BMPR1B: variants seen among roughly 807,000 people sequenced by gnomAD.
BMPR1B encodes bone morphogenetic protein receptor type 1B, also known as bone morphogenetic protein receptor type-1B.
A neutral mutation model predicts 59.1 loss-of-function variants in BMPR1B; 12 were observed. The observed-to-expected ratio is 0.20, with a 90% CI of 0.13 to 0.33. The LOEUF is 0.33. BMPR1B is among the 10% of genes least tolerant of loss of function. BMPR1B has a pLI of 1.00. For synonymous variants in BMPR1B, 237 were observed against 207.3 expected (o/e 1.14, Z -1.23); for missense variants, 550 against 610.9 (o/e 0.90, Z 1.05).
chr4:95,089,059 C>A (rs956988692), intron 3 of BMPR1B, among the ~76,000 whole-genome samples: 1 of 151,914 alleles, frequency 6.6e-6, no homozygotes, highest in African/African-American at 2.4e-5. Context: ...GGTCCTTTGC[C>A]CCCATATTAG....
chr4:95,007,575 T>TATA (rs1722934376), intron 3 of BMPR1B, among the ~76,000 whole-genome samples: 1 of 152,226 alleles, frequency 6.6e-6, no homozygotes. Context: ...AGATATAATT[T>TATA]AAGGTTCTTA....
At chr4:95,030,309 G>A (rs909004023) in intron 3 of BMPR1B, among the ~76,000 whole-genome samples, 5 of 152,172 alleles carry the variant, frequency 3.3e-5, no homozygotes, top group African/African-American at 1.2e-4. Context: ...TGTAAGGAAG[G>A]GATCCAGTTT....
Position 95,125,334 on chromosome 4 carries a change from A to G in BMPR1B, c.585+213A>G, listed in dbSNP as rs112178471. Reference sequence around the variant, plus strand: ...TTTTTAATGTAGGTGTATGGTTACAATCCAGACCCTCAGACATTCTGATGA... The same window carrying G: ...TTTTTAATGTAGGTGTATGGTTACAGTCCAGACCCTCAGACATTCTGATGA... On this transcript the variant is annotated intron_variant, in intron 8 of 12. Coordinates refer to ENST00000515059, the MANE Select transcript of BMPR1B (RefSeq NM_001203.3). Among the ~76,000 whole-genome samples, 805 of 152,270 alleles carry G rather than the reference A, an allele frequency of 5.3e-3. 6 individuals carry two copies. Among genetic ancestry groups the G allele is most frequent in the African/African-American group, 0.018 (748 of 41,564 alleles).
At chr4:94,910,732 A>ACC (rs146021052) in intron 2 of BMPR1B, among the ~76,000 whole-genome samples, 10 of 151,742 alleles carry the variant, frequency 6.6e-5, no homozygotes, top group African/African-American at 2.4e-4. Context: ...ACATAGCGAG[A>ACC]CCCCCATCTC....
intron 11 of BMPR1B, among the ~76,000 whole-genome samples, chr4:95,151,039 A>G (rs1735001938): frequency 6.6e-6 from 1 of 152,226 alleles, no homozygotes; most frequent in Non-Finnish European, 1.5e-5. Flanking sequence ...TTATGAAGAT[A>G]TTAGAAGTTT....
chr4:94,803,588 C>T (rs181373513), intron 1 of BMPR1B, among the ~76,000 whole-genome samples: 24 of 152,074 alleles, frequency 1.6e-4, no homozygotes, highest in Non-Finnish European at 2.6e-4. Flanking sequence ...TCTCCTAGGT[C>T]GTCTTTATGT....
chr4:95,001,315 T>C (rs1411641142), intron 3 of BMPR1B, among the ~76,000 whole-genome samples: 1 of 151,910 alleles, frequency 6.6e-6, no homozygotes, highest in African/African-American at 2.4e-5. Context: ...TCTTGTCTTG[T>C]ATTAGACTCC....
Position 94,878,004 on chromosome 4 carries a change from A to G in BMPR1B, c.-113+2104A>G, listed in dbSNP as rs150569812. ...TTTACATTGGAATGATATCGCCTAT[A>G]TTGATGAATGGTCTTATAAAAAAAA... is the stretch of plus-strand genomic sequence containing the variant. On this transcript the variant is annotated intron_variant, in intron 2 of 12. Coordinates refer to ENST00000515059, the MANE Select transcript of BMPR1B (RefSeq NM_001203.3). Among the ~76,000 whole-genome samples the G allele has an allele frequency of 3.1e-3, 473 of 152,230 alleles. 3 individuals carry two copies. The highest frequency in any genetic ancestry group is 0.01 in the Middle Eastern group (3 of 294).
intron 1 of BMPR1B, among the ~76,000 whole-genome samples, chr4:94,838,638 ATTC>A (rs1023642863): frequency 7.2e-6 from 1 of 139,756 alleles, no homozygotes; most frequent in African/African-American, 2.7e-5. Context: ...TGTCTATTTG[ATTC>A]TTCTCTCTTT....
chr4:95,028,265 A>T (rs914915580), intron 3 of BMPR1B, among the ~76,000 whole-genome samples: 1 of 152,224 alleles, frequency 6.6e-6, no homozygotes, highest in Non-Finnish European at 1.5e-5. Context: ...ATAAAGGTTT[A>T]AAAGAAACTG....
chr4:95,092,121 A>G (rs1730039525), intron 3 of BMPR1B, among the ~76,000 whole-genome samples: 1 of 152,142 alleles, frequency 6.6e-6, no homozygotes, highest in Admixed American at 6.6e-5. Context: ...GTTTTAAAAA[A>G]TGCAAAATGA....
chr4:95,030,654 T>C (rs1724768239), intron 3 of BMPR1B, among the ~76,000 whole-genome samples: 1 of 152,088 alleles, frequency 6.6e-6, no homozygotes. Context: ...CTTAAGCTGA[T>C]AAGAAACTTC....
intron 2 of BMPR1B, among the ~76,000 whole-genome samples, chr4:94,942,162 T>C (rs1729543975): frequency 6.6e-6 from 1 of 152,210 alleles, no homozygotes; most frequent in South Asian, 2.1e-4. Flanking sequence ...TTTGGATGTG[T>C]AGATTGTGGC....
rs1728425087 is a variant in BMPR1B at position 94,914,903 on chromosome 4, A to G, written c.-113+39003A>G. On this transcript the variant is annotated intron_variant, in intron 2 of 12. Transcript: ENST00000515059. The stretch of plus-strand genomic sequence containing the variant: ...ATTGTAAGCTATTGATATGAATGCT[A>G]TAATATGCATATATTTAAGTAGTAA... Among the ~76,000 whole-genome samples, 9 of 152,304 alleles carry G rather than the reference A, an allele frequency of 5.9e-5. No individual in the cohort carries two copies. In the South Asian group the frequency reaches 1.9e-3, roughly 32 times the overall value.
chr4:94,792,551 C>G (rs748040355), intron 1 of BMPR1B, among the ~76,000 whole-genome samples: 2 of 151,986 alleles, frequency 1.3e-5, no homozygotes, highest in Admixed American at 1.3e-4. Context: ...AGAATTATGT[C>G]CAAAATGCCA....
chr4:94,846,210 G>T (rs1021523059), intron 1 of BMPR1B, among the ~76,000 whole-genome samples: 4 of 152,136 alleles, frequency 2.6e-5, no homozygotes, highest in African/African-American at 9.7e-5. Flanking sequence ...CACACATTGG[G>T]GAAAAGCCAG....
At chr4:95,132,423 G>A (rs1421132791) in intron 10 of BMPR1B, among the ~76,000 whole-genome samples, 2 of 151,996 alleles carry the variant, frequency 1.3e-5, no homozygotes, top group African/African-American at 2.4e-5. Flanking sequence ...TGGTATTTTC[G>A]GCCAGAACTG....
chr4:94,791,094 G>A (rs1457992087), intron 1 of BMPR1B, among the ~76,000 whole-genome samples: 1 of 152,096 alleles, frequency 6.6e-6, no homozygotes, highest in African/African-American at 2.4e-5. Context: ...TCCAACAAGC[G>A]ATTCTCCTGC....
At chr4:95,052,179 C>T (rs1265989587) in intron 3 of BMPR1B, among the ~76,000 whole-genome samples, 1 of 152,036 alleles carries the variant, frequency 6.6e-6, no homozygotes, top group Non-Finnish European at 1.5e-5. Flanking sequence ...CTTTGAAGTT[C>T]ATCATCATTT....
Sources: allele counts gnomAD v4.1 joint callset (sites outside exome capture counted in the v4.1 genomes callset), GRCh38; gene constraint gnomAD v4.1.1; transcripts MANE v1.5; gene names NCBI Gene and HGNC (gene_info 2026-07-23, HGNC 2026-07-21).